PTPRA: variants seen among roughly 807,000 people sequenced by gnomAD.
The protein encoded by PTPRA is receptor-type tyrosine-protein phosphatase alpha.
A neutral mutation model predicts 104.8 loss-of-function variants in PTPRA; 25 were observed. The ratio of observed to expected loss-of-function variants is 0.24; its 90% CI spans 0.17 to 0.33. The LOEUF is 0.33. Among genes scored for constraint, PTPRA ranks in the 10% least tolerant of loss-of-function variants. The probability of loss-of-function intolerance (pLI) is 1.00; values close to 1 mark genes in which losing one functional copy is unlikely to be tolerated. For synonymous variants in PTPRA, 323 were observed against 368.9 expected (o/e 0.88, Z 1.43); for missense variants, 765 against 1,015.3 (o/e 0.75, Z 3.35).
At chr20:3,023,764 G>A (rs1167733508) in intron 16 of PTPRA, among the ~76,000 whole-genome samples, 2 of 152,168 alleles carry the variant, frequency 1.3e-5, no homozygotes, top group African/African-American at 2.4e-5. Context: ...CATGTCCTCC[G>A]TATGCTGAGC....
chr20:3,028,391 A>G (rs2065254202), intron 20 of PTPRA, among the ~76,000 whole-genome samples: 1 of 152,216 alleles, frequency 6.6e-6, no homozygotes, highest in African/African-American at 2.4e-5. Flanking sequence ...AAAAGCCCTC[A>G]GGTCTATTAA....
chr20:2,953,829 G>A (rs1029305203), intron 3 of PTPRA, among the ~76,000 whole-genome samples: 6 of 151,242 alleles, frequency 4.0e-5, no homozygotes, highest in East Asian at 3.9e-4. Context: ...GCTGGTCCAC[G>A]ATCCATCCAC....
Position 3,022,567 on chromosome 20 carries a change from C to T in PTPRA, c.1329-122C>T. On this transcript the variant is annotated intron_variant, in intron 15 of 23. Transcript: ENST00000399903. The surrounding 1 kb of genome is among the most constrained non-coding windows in gnomAD (Gnocchi z 4.6). ...TGTTGGCTCCTGGAGAGCCCCAGCT[C>T]TACCCCATTCAGAATTAGGATTTAG... 2 of 1,397,130 alleles carry T rather than the reference C, an allele frequency of 1.4e-6. No individual in the cohort carries two copies. The highest frequency in any genetic ancestry group is 9.8e-7 in the Non-Finnish European group (1 of 1,022,222). The allele number at this position is 1,397,130 out of a possible 1,614,324, so 86.5% of individuals were successfully genotyped here. A position where few individuals can be genotyped will look rare whatever the true frequency, so the allele number is the denominator to read the frequency against.
rs1453111450 is a variant in PTPRA at position 3,038,075 on chromosome 20, G to A, written c.2351G>A (p.Cys784Tyr). 1 of 1,612,984 alleles carries A rather than the reference G, an allele frequency of 6.2e-7. No individual in the cohort carries two copies. Among genetic ancestry groups the A allele is most frequent in the Non-Finnish European group, 8.5e-7 (1 of 1,178,926 alleles). Reference protein sequence around the residue: ...MVQTLEQYEFCYKVVQEYIDA... With the variant: ...MVQTLEQYEFYYKVVQEYIDA... Reference sequence around the variant, plus strand: ...ACTCTCCAGGAACAGTATGAGTTCTGCTACAAGGTGGTGCAGGAGTATATT... The same window carrying A: ...ACTCTCCAGGAACAGTATGAGTTCTACTACAAGGTGGTGCAGGAGTATATT... The change falls in exon 24 of 24, where the codon TGC becomes TAC. Residue 784 changes from cysteine to tyrosine, a missense_variant. This residue lies in a region of PTPRA where 72 missense variants were observed against 140.7 expected (regional missense o/e 0.51). Coordinates refer to ENST00000399903, the MANE Select transcript of PTPRA (RefSeq NM_001385305.1).
At chr20:2,926,943 A>C (rs2060322982) in intron 2 of PTPRA, among the ~76,000 whole-genome samples, 1 of 151,578 alleles carries the variant, frequency 6.6e-6, no homozygotes, top group Non-Finnish European at 1.5e-5. Context: ...GGCACCCGCC[A>C]CCACGCCCGG....
At chr20:3,027,602 A>C (rs1042086768) in intron 19 of PTPRA, 105 bp from the exon 20 acceptor site, 1 of 1,436,322 alleles carries the variant, frequency 7.0e-7, no homozygotes, top group Non-Finnish European at 9.4e-7. Context: ...GCATGGGCTG[A>C]GTTTGCCTCC....
At chr20:2,893,261 C>T (rs558552645) in intron 1 of PTPRA, among the ~76,000 whole-genome samples, 1 of 152,286 alleles carries the variant, frequency 6.6e-6, no homozygotes, top group South Asian at 2.1e-4. Context: ...TACTAAAGAT[C>T]TTACACTTAT....
At chr20:2,946,698 A>G (rs2061144159) in intron 2 of PTPRA, among the ~76,000 whole-genome samples, 1 of 151,870 alleles carries the variant, frequency 6.6e-6, no homozygotes, top group Non-Finnish European at 1.5e-5. Context: ...AATTACAAAA[A>G]TTAGCCGGGC....
At chr20:3,025,245 G>C (rs905834438) in intron 17 of PTPRA, among the ~76,000 whole-genome samples, 3 of 151,848 alleles carry the variant, frequency 2.0e-5, no homozygotes, top group African/African-American at 4.8e-5. Context: ...ATGAGGTCAG[G>C]AGTTCCAGAC....
At chr20:2,990,866 G>C (rs1477912048) in intron 9 of PTPRA, among the ~76,000 whole-genome samples, 6 of 152,160 alleles carry the variant, frequency 3.9e-5, no homozygotes, top group East Asian at 1.9e-4. Flanking sequence ...AAGGGCTTAG[G>C]GGGAGTGGTG....
intron 6 of PTPRA, among the ~76,000 whole-genome samples, chr20:2,984,809 C>A (rs1600213786): frequency 6.6e-6 from 1 of 152,264 alleles, no homozygotes. Context: ...TTCCCAGTGT[C>A]TAGAAAGCTC....
At chr20:2,942,990 G>C (rs1443927869) in intron 2 of PTPRA, among the ~76,000 whole-genome samples, 1 of 151,684 alleles carries the variant, frequency 6.6e-6, no homozygotes, top group Non-Finnish European at 1.5e-5. Context: ...TAATATGCCA[G>C]CATGTTCCTT....
At chr20:2,916,994 A>G (rs960299554) in intron 1 of PTPRA, among the ~76,000 whole-genome samples, 15 of 125,310 alleles carry the variant, frequency 1.2e-4, no homozygotes, top group African/African-American at 4.5e-4. Flanking sequence ...GTCTCCCTCT[A>G]TTGCCCAGGC....
intron 1 of PTPRA, among the ~76,000 whole-genome samples, chr20:2,905,690 CTTTTTTTTTTTTTT>C (rs11479039): frequency 1.4e-5 from 1 of 70,634 alleles, no homozygotes; most frequent in African/African-American, 5.5e-5. Context: ...TCATAAAATT[CTTTTTTTTTTTTTT>C]TTTTTTTTTT....
At chr20:2,935,994 G>A (rs1281137475) in intron 2 of PTPRA, among the ~76,000 whole-genome samples, 4 of 151,578 alleles carry the variant, frequency 2.6e-5, no homozygotes, top group Non-Finnish European at 5.9e-5. Flanking sequence ...ACTCCAGCCT[G>A]GGCGACAAGA....
chr20:3,032,532 C>T (rs559836869), intron 20 of PTPRA, among the ~76,000 whole-genome samples: 10 of 152,074 alleles, frequency 6.6e-5, no homozygotes, highest in African/African-American at 9.7e-5. Flanking sequence ...CTTTGGGAGG[C>T]CAAGGTGGGC....
chr20:2,906,877 A>T (rs1417150816), intron 1 of PTPRA, among the ~76,000 whole-genome samples: 1 of 152,186 alleles, frequency 6.6e-6, no homozygotes, highest in Non-Finnish European at 1.5e-5. Flanking sequence ...TATATTATTC[A>T]TTGCTGCTTA....
chr20:2,886,859 A>G (rs1294915003), intron 1 of PTPRA, among the ~76,000 whole-genome samples: 1 of 148,058 alleles, frequency 6.8e-6, no homozygotes, highest in Non-Finnish European at 1.5e-5. Context: ...TCTGTCTCAA[A>G]AAAAAAAAAG....
intron 2 of PTPRA, among the ~76,000 whole-genome samples, chr20:2,928,268 T>A (rs1189545368): frequency 1.3e-5 from 2 of 152,028 alleles, no homozygotes; most frequent in Admixed American, 6.6e-5. Flanking sequence ...CCTAAGTAGC[T>A]GGGACTATAG....
Sources: allele counts gnomAD v4.1 joint callset (sites outside exome capture counted in the v4.1 genomes callset), GRCh38; gene constraint gnomAD v4.1.1; regional missense constraint gnomAD v4.1.1; non-coding constraint Gnocchi (gnomAD v3.1); transcripts MANE v1.5; gene names NCBI Gene and HGNC (gene_info 2026-07-23, HGNC 2026-07-21).